The following SEMA5A variants were observed in gnomAD, a reference collection of about 807,000 sequenced individuals.
The protein encoded by SEMA5A is semaphorin-5A.
A neutral mutation model predicts 135.5 loss-of-function variants in SEMA5A; 55 were observed. The observed-to-expected ratio is 0.41, with a 90% CI of 0.33 to 0.51. The LOEUF is 0.51. Among genes scored for constraint, SEMA5A ranks in the 20% least tolerant of loss-of-function variants. SEMA5A has a pLI of 0.37. For missense variants in SEMA5A, 1,290 were observed against 1,419.9 expected (o/e 0.91, Z 1.47); for synonymous variants, 580 against 546.5 (o/e 1.06, Z -0.85).
chr5:9,425,141 C>T (rs756064927), intron 2 of SEMA5A, among the ~76,000 whole-genome samples: 9 of 152,226 alleles, frequency 5.9e-5, no homozygotes, highest in African/African-American at 7.2e-5. Context: ...CCCCACTACA[C>T]ACAAACCAAT....
intron 2 of SEMA5A, among the ~76,000 whole-genome samples, chr5:9,397,790 CA>C (rs1756469788): frequency 6.6e-6 from 1 of 152,218 alleles, no homozygotes; most frequent in African/African-American, 2.4e-5. Context: ...CTAATAAGTC[CA>C]GTCCCCATAA....
intron 11 of SEMA5A, among the ~76,000 whole-genome samples, chr5:9,163,090 A>G (rs1743383367): frequency 6.6e-6 from 1 of 152,198 alleles, no homozygotes; most frequent in African/African-American, 2.4e-5. Flanking sequence ...TGTGATGTAT[A>G]GACATGTGCT....
Position 9,088,659 on chromosome 5 carries a change from T to TATACACAC in SEMA5A, c.2073+19480_2073+19481insGTGTGTAT. 7.1e-4 allele frequency among the ~76,000 whole-genome samples: 80 copies of TATACACAC among 112,870 alleles called. 3 individuals are homozygous for TATACACAC. The East Asian group carries it at 0.012, about 16-fold the overall frequency. 74.0% of individuals were successfully genotyped at this position (112,870 alleles called of 152,430 possible). A position where few individuals can be genotyped will look rare whatever the true frequency, so the allele number is the denominator to read the frequency against. ...TATAATATATATATATATATATATA[T>TATACACAC]ACACACACACACTCATGGAATTCCA... On this transcript the variant is annotated intron_variant, in intron 16 of 22. Coordinates refer to ENST00000382496, the MANE Select transcript of SEMA5A (RefSeq NM_003966.3).
intron 8 of SEMA5A, among the ~76,000 whole-genome samples, chr5:9,218,443 C>T (rs915858198): frequency 6.6e-6 from 1 of 152,072 alleles, no homozygotes; most frequent in Non-Finnish European, 1.5e-5. Flanking sequence ...CTCTACTGGG[C>T]GTTTCATCGG....
chr5:9,115,077 G>T (rs1458482786), intron 15 of SEMA5A, among the ~76,000 whole-genome samples: 1 of 152,200 alleles, frequency 6.6e-6, no homozygotes, highest in Non-Finnish European at 1.5e-5. Flanking sequence ...GTCTGTGAAT[G>T]TAGCTTTTGT....
rs144885261 is a variant in SEMA5A, at chr5:9,292,205, T to G, written c.270+26167A>C. On this transcript the variant is annotated intron_variant, in intron 5 of 22. Transcript: ENST00000382496. Reference sequence around the variant, plus strand: ...TGTTGAATGCCTGACATCCCACGTTTGTAAATCAATTCTGTGAATCCTCCA... The same window carrying G: ...TGTTGAATGCCTGACATCCCACGTTGGTAAATCAATTCTGTGAATCCTCCA... Among the ~76,000 whole-genome samples, 716 of 152,340 alleles carry G rather than the reference T, an allele frequency of 4.7e-3. 7 individuals are homozygous for G. The highest frequency in any genetic ancestry group is 0.016 in the African/African-American group (682 of 41,582).
intron 16 of SEMA5A, among the ~76,000 whole-genome samples, chr5:9,076,980 C>CT (rs1738101338): frequency 6.6e-6 from 1 of 151,388 alleles, no homozygotes; most frequent in Non-Finnish European, 1.5e-5. Context: ...GGTCACAGTG[C>CT]TTTTTCATGC....
At chr5:9,372,321 C>T (rs1755170455) in intron 3 of SEMA5A, among the ~76,000 whole-genome samples, 1 of 152,240 alleles carries the variant, frequency 6.6e-6, no homozygotes, top group African/African-American at 2.4e-5. Context: ...AACAGAGCAT[C>T]ATGAGACACG....
intron 10 of SEMA5A, among the ~76,000 whole-genome samples, chr5:9,191,612 A>C (rs1745116872): frequency 8.2e-6 from 1 of 121,216 alleles, no homozygotes; most frequent in Non-Finnish European, 1.7e-5. Context: ...ATAAGATGGA[A>C]ATTGCTTTTT....
intron 3 of SEMA5A, among the ~76,000 whole-genome samples, chr5:9,374,781 C>T (rs1448390665): frequency 6.6e-6 from 1 of 152,098 alleles, no homozygotes; most frequent in Non-Finnish European, 1.5e-5. Flanking sequence ...TCAGGAACTC[C>T]TTCCTCTCCC....
chr5:9,374,172 C>G (rs943802033), intron 3 of SEMA5A, among the ~76,000 whole-genome samples: 2 of 152,174 alleles, frequency 1.3e-5, no homozygotes, highest in African/African-American at 4.8e-5. Flanking sequence ...AGGCAAGTAA[C>G]CTTGCAAACA....
chr5:9,379,777 T>C, intron 3 of SEMA5A, 46 bp downstream of exon 3: 1 of 1,595,706 alleles, frequency 6.3e-7, no homozygotes, highest in Non-Finnish European at 8.6e-7. Flanking sequence ...ACACAGAATG[T>C]GCATTTAGAT....
chr5:9,151,072 C>T (rs111243990), intron 12 of SEMA5A, among the ~76,000 whole-genome samples: 1 of 152,138 alleles, frequency 6.6e-6, no homozygotes, highest in Non-Finnish European at 1.5e-5. Context: ...TATGAGCTGC[C>T]ATTTCCTCAT....
At chr5:9,134,212 C>T (rs774394739) in intron 13 of SEMA5A, among the ~76,000 whole-genome samples, 1 of 152,208 alleles carries the variant, frequency 6.6e-6, no homozygotes, top group East Asian at 1.9e-4. Context: ...GTGGCATGAT[C>T]TCGGTTCACC....
rs148001955 is a variant in SEMA5A at position 9,190,335 on chromosome 5, A to G, written c.1205T>C (p.Phe402Ser). 1 of 1,614,094 alleles carries G rather than the reference A, an allele frequency of 6.2e-7. No homozygotes were observed. The highest frequency in any genetic ancestry group is 8.5e-7 in the Non-Finnish European group (1 of 1,180,018). Reference protein sequence around the residue: ...VPSFMEDNSRFSHVAVDVVQG... With the variant: ...VPSFMEDNSRSSHVAVDVVQG... ...CACCACGTCGACTGCCACGTGGGAA[A>G]AGCGGCTATTGTCCTCCATGAAGGA... Residue 402 changes from phenylalanine to serine, a missense_variant, in exon 11 of 23, where the codon TTT (phenylalanine) becomes TCT (serine). Physicochemically the swap from Phe to Ser is radical, Grantham distance 155 (BLOSUM62 -2). Coordinates refer to ENST00000382496, the MANE Select transcript of SEMA5A (RefSeq NM_003966.3).
chr5:9,251,075 A>G (rs1748748487), intron 5 of SEMA5A, among the ~76,000 whole-genome samples: 1 of 152,050 alleles, frequency 6.6e-6, no homozygotes, highest in Admixed American at 6.6e-5. Context: ...TTGTCTCAGG[A>G]GTGGGTTAGT....
chr5:9,397,183 C>T (rs1756444007), intron 2 of SEMA5A, among the ~76,000 whole-genome samples: 1 of 145,780 alleles, frequency 6.9e-6, no homozygotes, highest in South Asian at 2.2e-4. Flanking sequence ...AGCACATAAA[C>T]AAACACACAC....
chr5:9,214,705 T>C (rs1746518837), intron 8 of SEMA5A, among the ~76,000 whole-genome samples: 1 of 152,210 alleles, frequency 6.6e-6, no homozygotes, highest in African/African-American at 2.4e-5. Flanking sequence ...GGCCACAGCA[T>C]GTCATGCTCT....
chr5:9,149,328 G>A (rs1742506654), intron 12 of SEMA5A, among the ~76,000 whole-genome samples: 1 of 152,142 alleles, frequency 6.6e-6, no homozygotes, highest in Non-Finnish European at 1.5e-5. Context: ...ACTCCACACA[G>A]AGGCCTTAAA....
Sources: gnomAD v4.1 joint callset for allele counts (sites outside exome capture counted in the v4.1 genomes callset) on GRCh38, gnomAD v4.1.1 for gene constraint, MANE v1.5 for transcripts, NCBI Gene and HGNC (gene_info 2026-07-23, HGNC 2026-07-21) for gene names.